Variants in CDYL observed in about 807,000 individuals in gnomAD.
CDYL encodes the protein chromodomain Y like.
A neutral mutation model predicts 47.3 loss-of-function variants in CDYL; 8 were observed. The observed-to-expected ratio is 0.17, with a 90% CI of 0.10 to 0.31. CDYL has a LOEUF of 0.31. Ranked by LOEUF, CDYL falls within the 10% of genes least tolerant of loss-of-function variation. CDYL has a pLI of 1.00. For missense variants in CDYL, 471 were observed against 701.4 expected (o/e 0.67, Z 3.71); for synonymous variants, 266 against 265.0 (o/e 1.00, Z -0.04).
chr6:4,737,660 G>T (rs1757727312), intron 3 of CDYL, among the ~76,000 whole-genome samples: 1 of 151,928 alleles, frequency 6.6e-6, no homozygotes, highest in African/African-American at 2.4e-5. Flanking sequence ...CCAAGTAGGG[G>T]GGACTACAGG....
At chr6:4,736,881 T>G (rs1373478728) in intron 3 of CDYL, among the ~76,000 whole-genome samples, 1 of 152,238 alleles carries the variant, frequency 6.6e-6, no homozygotes, top group African/African-American at 2.4e-5. Context: ...TTCAAGTGCT[T>G]TGTTTATCGA....
intron 1 of CDYL, among the ~76,000 whole-genome samples, chr6:4,823,487 C>G (rs1350743608): frequency 6.6e-6 from 1 of 152,202 alleles, no homozygotes; most frequent in Non-Finnish European, 1.5e-5. Flanking sequence ...TACATGTAAC[C>G]TAACATTTGC....
chr6:4,908,905 G>A (rs1757322332), intron 2 of CDYL, among the ~76,000 whole-genome samples: 1 of 152,218 alleles, frequency 6.6e-6, no homozygotes, highest in Admixed American at 6.5e-5. Flanking sequence ...CTGTTGAGAG[G>A]CTCCGTTCTT....
chr6:4,725,610 C>G (rs888902980), intron 2 of CDYL, among the ~76,000 whole-genome samples: 2 of 152,226 alleles, frequency 1.3e-5, no homozygotes, highest in South Asian at 4.1e-4. Context: ...CGGACCTGCC[C>G]GCCGAGCCCA....
chr6:4,838,306 C>G (rs902330240), intron 1 of CDYL, among the ~76,000 whole-genome samples: 2 of 151,998 alleles, frequency 1.3e-5, no homozygotes, highest in South Asian at 2.1e-4. Flanking sequence ...CCCTCACCCC[C>G]CTCCCACCCT....
At chr6:4,823,890 A>G (rs1438834772) in intron 1 of CDYL, among the ~76,000 whole-genome samples, 2 of 152,156 alleles carry the variant, frequency 1.3e-5, no homozygotes, top group East Asian at 3.8e-4. Flanking sequence ...AAAACTCCCC[A>G]TTCGCTTCCC....
upstream of CDYL, among the ~76,000 whole-genome samples, chr6:4,771,999 TC>T (rs1758344647): frequency 6.6e-6 from 1 of 152,244 alleles, no homozygotes; most frequent in Non-Finnish European, 1.5e-5. Context: ...TTGCTCTTGC[TC>T]ATTACTTTAA....
chr6:4,728,815 A>G (rs569242585), intron 2 of CDYL, among the ~76,000 whole-genome samples: 2 of 152,046 alleles, frequency 1.3e-5, no homozygotes, highest in Non-Finnish European at 2.9e-5. Context: ...TATTGTGCCC[A>G]CTCCGGTTCT....
chr6:4,952,719 A>G (rs953084300), intron 6 of CDYL, among the ~76,000 whole-genome samples: 1 of 152,138 alleles, frequency 6.6e-6, no homozygotes, highest in Non-Finnish European at 1.5e-5. Context: ...CCTTTCAGTC[A>G]CATTATTAGC....
intron 1 of CDYL, among the ~76,000 whole-genome samples, chr6:4,796,160 T>A (rs1422536350): frequency 6.6e-6 from 1 of 152,178 alleles, no homozygotes; most frequent in Admixed American, 6.5e-5. Flanking sequence ...CTCGAACTCG[T>A]GACCTCATGT....
chr6:4,912,202 C>T (rs958801858), intron 2 of CDYL, among the ~76,000 whole-genome samples: 2 of 150,554 alleles, frequency 1.3e-5, no homozygotes, highest in African/African-American at 2.5e-5. Flanking sequence ...TGAAAAGATA[C>T]GTGGTCCTTT....
intron 2 of CDYL, among the ~76,000 whole-genome samples, chr6:4,727,129 C>T (rs1757527802): frequency 6.6e-6 from 1 of 152,118 alleles, no homozygotes; most frequent in Non-Finnish European, 1.5e-5. Flanking sequence ...CCAAATGTAT[C>T]TCCACTTCCC....
chr6:4,924,136 G>A (rs569497900), intron 2 of CDYL, among the ~76,000 whole-genome samples: 3 of 152,220 alleles, frequency 2.0e-5, no homozygotes, highest in Non-Finnish European at 2.9e-5. Context: ...ATTATCTAGA[G>A]TTGATTTAAA....
chr6:4,811,297 T>C (rs1759520488), intron 1 of CDYL, among the ~76,000 whole-genome samples: 1 of 152,242 alleles, frequency 6.6e-6, no homozygotes, highest in South Asian at 2.1e-4. Flanking sequence ...TGTTTATTTT[T>C]AATAAGCTCT....
At chr6:4,790,975 A>G (rs1240588495) in intron 1 of CDYL, among the ~76,000 whole-genome samples, 2 of 152,218 alleles carry the variant, frequency 1.3e-5, no homozygotes, top group East Asian at 3.8e-4. Flanking sequence ...TCACTTTGGA[A>G]GAGAATTTGA....
At chr6:4,953,836 C>A (rs1758785546) in intron 6 of CDYL, 62 bp from the exon 7 acceptor site, 38 of 1,494,538 alleles carry the variant, frequency 2.5e-5, no homozygotes, top group South Asian at 7.7e-5. Context: ...AATGTGGAGG[C>A]ACAGGGGACC....
intron 2 of CDYL, among the ~76,000 whole-genome samples, chr6:4,724,134 G>T (rs946903120): frequency 6.6e-6 from 1 of 152,102 alleles, no homozygotes; most frequent in Non-Finnish European, 1.5e-5. Flanking sequence ...TTGACCTCCT[G>T]GGTTCAAATG....
At chr6:4,878,133 T>G (rs1761667401) in intron 1 of CDYL, among the ~76,000 whole-genome samples, 2 of 152,202 alleles carry the variant, frequency 1.3e-5, no homozygotes, top group African/African-American at 4.8e-5. Flanking sequence ...TGGTTATATC[T>G]TTGATGTCAG....
At chr6:4,797,101 C>T (rs1481053238) in intron 1 of CDYL, among the ~76,000 whole-genome samples, 1 of 152,084 alleles carries the variant, frequency 6.6e-6, no homozygotes, top group Non-Finnish European at 1.5e-5. Flanking sequence ...TGAATGTATT[C>T]TCTCTCCTAT....
Sources: allele counts gnomAD v4.1 joint callset (sites outside exome capture counted in the v4.1 genomes callset), GRCh38; gene constraint gnomAD v4.1.1; transcripts MANE v1.5; gene names NCBI Gene and HGNC (gene_info 2026-07-23, HGNC 2026-07-21).